PHB2: variants seen among roughly 807,000 people sequenced by gnomAD.
PHB2 encodes the protein prohibitin-2.
Under a neutral mutation model 46.4 loss-of-function variants are expected in PHB2, and 22 were observed. The ratio of observed to expected loss-of-function variants is 0.47; its 90% confidence interval spans 0.34 to 0.68. The LOEUF (loss-of-function observed/expected upper bound fraction) is 0.68, where lower values mean the gene tolerates loss of function less well. PHB2 is among the 30% of genes least tolerant of loss of function. The pLI is 0.01. For missense variants in PHB2, 305 were observed against 382.8 expected (o/e 0.80, Z 1.70); for synonymous variants, 156 against 150.5 (o/e 1.04, Z -0.27).
At chr12:6,968,064 G>C (rs782674765) in intron 4 of PHB2, 43 bp from the exon 5 acceptor site, 1 of 1,543,000 alleles carries the variant, frequency 6.5e-7, no homozygotes, top group Non-Finnish European at 8.8e-7. Context: ...GTGGTTTGAG[G>C]GGACTGGGGA....
In PHB2 at chr12:6,965,345, C is replaced by A; in HGVS notation, c.*340G>T. 2.7e-6 allele frequency: 1 copy of A among 377,318 alleles called. No homozygotes were observed. The highest frequency in any genetic ancestry group is 5.1e-6 in the Non-Finnish European group (1 of 197,686). The allele number at this position is 377,318 out of a possible 1,614,324, so 23.4% of individuals were successfully genotyped here. On this transcript the variant is annotated 3_prime_UTR_variant, in exon 10 of 10. Coordinates refer to ENST00000535923, the MANE Select transcript of PHB2 (RefSeq NM_001144831.2). ...TTACCCAGTTCATGAACACGTGAAG[C>A]CTTGACTTCAGGTTAAGTAATAAAA...
At chr12:6,970,106 G>C (rs1555151763) in intron 2 of PHB2, 90 bp downstream of exon 2, 4 of 968,540 alleles carry the variant, frequency 4.1e-6, no homozygotes, top group Non-Finnish European at 6.7e-6. Context: ...AAAGAGCAGC[G>C]TTGAATCCTG....
chr12:6,965,439 A>T lies in PHB2; in HGVS notation c.*246T>A, dbSNP rs1310039761. 3 of 574,358 alleles carry T rather than the reference A, an allele frequency of 5.2e-6. No homozygotes were observed. The South Asian group carries it at 6.0e-5, about 12-fold the overall frequency. 35.6% of individuals were successfully genotyped at this position (574,358 alleles called of 1,614,324 possible). A position where few individuals can be genotyped will look rare whatever the true frequency, so the allele number is the denominator to read the frequency against. On this transcript the variant is annotated 3_prime_UTR_variant, in exon 10 of 10. Coordinates refer to ENST00000535923, the MANE Select transcript of PHB2 (RefSeq NM_001144831.2). Reference sequence around the variant, plus strand: ...TTGAGGGAGGGAACAACACTGTAGGAAATCACTGAGAAATCACGCACTGTC... The same window carrying T: ...TTGAGGGAGGGAACAACACTGTAGGTAATCACTGAGAAATCACGCACTGTC...
chr12:6,966,034 A>C, intron 8 of PHB2, 118 bp from the exon 9 acceptor site: 1 of 1,060,742 alleles, frequency 9.4e-7, no homozygotes, highest in Non-Finnish European at 1.4e-6. Flanking sequence ...GAAAAGATAA[A>C]CAGGGTTGAC....
Position 6,967,470 on chromosome 12 carries a change from G to C in PHB2, c.711+206C>G. 2 of 1,038,088 alleles carry C rather than the reference G, an allele frequency of 1.9e-6. No individual in the cohort carries two copies. The highest frequency in any genetic ancestry group is 1.3e-5 in the South Asian group (1 of 79,004). 64.3% of individuals were successfully genotyped at this position (1,038,088 alleles called of 1,614,324 possible). On this transcript the variant is annotated intron_variant, in intron 6 of 9. Transcript: ENST00000535923. The surrounding 1 kb of genome is among the most constrained non-coding windows in gnomAD (Gnocchi z 4.9). Reference sequence around the variant, plus strand: ...TGAAGGCAAGGCCACCAATGCTATTGATCTGGCCTTACAGTGGGGAGTCAT... The same window carrying C: ...TGAAGGCAAGGCCACCAATGCTATTCATCTGGCCTTACAGTGGGGAGTCAT...
chr12:6,969,729 G>A (rs999983347), intron 2 of PHB2, among the ~76,000 whole-genome samples, 152 bp from the exon 3 acceptor site: 6 of 151,844 alleles, frequency 4.0e-5, no homozygotes, highest in African/African-American at 7.3e-5. Context: ...GTGAAACCCC[G>A]TCTCTACTAA....
rs1555151000 is a variant in PHB2, at chr12:6,967,435, G to A, written c.712-187C>T. The stretch of plus-strand genomic sequence containing the variant: ...AGGCTGCTGCCAGGAACTAGGGGCA[G>A]CACCAGAAATGAAGGCAAGGCCACC... On this transcript the variant is annotated intron_variant, in intron 6 of 9. Coordinates refer to ENST00000535923, the MANE Select transcript of PHB2 (RefSeq NM_001144831.2). This position sits in a 1 kb window ranked among gnomAD's most constrained non-coding sequence, Gnocchi z 4.9. The A allele has an allele frequency of 2.2e-6, 3 of 1,359,906 alleles. No homozygotes were observed. The highest frequency in any genetic ancestry group is 1.2e-5 in the South Asian group (1 of 85,538). The allele number at this position is 1,359,906 out of a possible 1,614,324, so 84.2% of individuals were successfully genotyped here.
At chr12:6,969,461 C>G in intron 3 of PHB2, 37 bp downstream of exon 3, 1 of 1,185,946 alleles carries the variant, frequency 8.4e-7, no homozygotes, top group Non-Finnish European at 1.2e-6. Flanking sequence ...CCTTGATCAT[C>G]CCACCTGCCA....
chr12:6,967,107 G>A lies in PHB2; in HGVS notation c.789+64C>T. On this transcript the variant is annotated intron_variant, in intron 7 of 9. Transcript: ENST00000535923. The surrounding 1 kb of genome is among the most constrained non-coding windows in gnomAD (Gnocchi z 4.9). The stretch of plus-strand genomic sequence containing the variant: ...AAGGTTCGAATTCCCTCACCTCAAT[G>A]TGCCTTAACTGAAAGCACTTTCTCA... 1 of 1,306,050 alleles carries A rather than the reference G, an allele frequency of 7.7e-7. No homozygotes were observed. The highest frequency in any genetic ancestry group is 1.1e-6 in the Non-Finnish European group (1 of 925,534). The allele number at this position is 1,306,050 out of a possible 1,614,324, so 80.9% of individuals were successfully genotyped here.
chr12:6,967,077 C>T lies in PHB2; in HGVS notation c.789+94G>A. The T allele has an allele frequency of 9.2e-7, 1 of 1,090,748 alleles. No homozygotes were observed. Among genetic ancestry groups the T allele is most frequent in the East Asian group, 2.7e-5 (1 of 37,536 alleles). The allele number at this position is 1,090,748 out of a possible 1,614,324, so 67.6% of individuals were successfully genotyped here. ...AAGCCAATCTGAGTAGAAACCGGAA[C>T]AAGCAAGGTTCGAATTCCCTCACCT... is the stretch of plus-strand genomic sequence containing the variant. On this transcript the variant is annotated intron_variant, in intron 7 of 9. Coordinates refer to ENST00000535923, the MANE Select transcript of PHB2 (RefSeq NM_001144831.2). This position sits in a 1 kb window ranked among gnomAD's most constrained non-coding sequence, Gnocchi z 4.9.
Position 6,967,157 on chromosome 12 carries a change from G to T in PHB2, c.789+14C>A. On this transcript the variant is annotated intron_variant, in intron 7 of 9. Transcript: ENST00000535923. This position sits in a 1 kb window ranked among gnomAD's most constrained non-coding sequence, Gnocchi z 4.9. ...AAGGCAGCCCCATCAGAGACGCTGG[G>T]CTGACACACTCACCGTCTTGGAGAT... 6.4e-7 allele frequency: 1 copy of T among 1,556,248 alleles called. No individual in the cohort carries two copies. The highest frequency in any genetic ancestry group is 8.7e-7 in the Non-Finnish European group (1 of 1,148,064).
rs1196828081 is a variant in PHB2 at position 6,965,933 on chromosome 12, C to A, written c.867-17G>T. 1.3e-6 allele frequency: 2 copies of A among 1,598,120 alleles called. No individual in the cohort carries two copies. The highest frequency in any genetic ancestry group is 4.5e-5 in the East Asian group (2 of 44,842). ...TACCTTCCCCTGTGGTGCCAGATCG[C>A]CAGATGAACAAGAAACAGAGAAGAG... is the stretch of plus-strand genomic sequence containing the variant. On this transcript the variant is annotated splice_polypyrimidine_tract_variant and intron_variant, in intron 8 of 9. Coordinates refer to ENST00000535923, the MANE Select transcript of PHB2 (RefSeq NM_001144831.2).
chr12:6,968,883 C>A (rs1281199369), intron 3 of PHB2, among the ~76,000 whole-genome samples: 2 of 152,196 alleles, frequency 1.3e-5, no homozygotes, highest in Non-Finnish European at 2.9e-5. Flanking sequence ...CGTGCTGTAC[C>A]GTAATCATGT....
intron 7 of PHB2, among the ~76,000 whole-genome samples, chr12:6,966,897 A>T (rs1341687593): frequency 6.6e-6 from 1 of 152,180 alleles, no homozygotes; most frequent in Non-Finnish European, 1.5e-5. Context: ...GCTAAACGCC[A>T]CCACAGCGGG....
chr12:6,969,318 C>A (rs782159522), intron 3 of PHB2, among the ~76,000 whole-genome samples, 180 bp downstream of exon 3: 7 of 152,212 alleles, frequency 4.6e-5, no homozygotes, highest in African/African-American at 1.7e-4. Context: ...GTAAAAAGCA[C>A]GCAAACACAG....
intron 1 of PHB2, 35 bp from the exon 2 acceptor site, chr12:6,970,315 C>T (rs1166591044): frequency 6.2e-7 from 1 of 1,609,128 alleles, no homozygotes; most frequent in East Asian, 2.2e-5. Context: ...GGCCAGGCCG[C>T]TGCTCAGAGG....
Position 6,967,671 on chromosome 12 carries a change from G to A in PHB2, c.711+5C>T. The A allele has an allele frequency of 6.2e-7, 1 of 1,608,052 alleles. No homozygotes were observed. The highest frequency in any genetic ancestry group is 8.5e-7 in the Non-Finnish European group (1 of 1,174,842). ...TGGGCTGAGATCTCTCCAGCAGAAGGATATCATCTTGGCAGCCTCGGCCTC... is the reference window on the plus strand; with the variant it reads ...TGGGCTGAGATCTCTCCAGCAGAAGAATATCATCTTGGCAGCCTCGGCCTC... On this transcript the variant is annotated splice_donor_5th_base_variant and intron_variant, in intron 6 of 9. Coordinates refer to ENST00000535923, the MANE Select transcript of PHB2 (RefSeq NM_001144831.2). This position sits in a 1 kb window ranked among gnomAD's most constrained non-coding sequence, Gnocchi z 4.9.
chr12:6,967,998 C>T lies in PHB2; in HGVS notation c.501G>A (p.Glu167=), dbSNP rs367716554. 12 of 1,608,370 alleles carry T rather than the reference C, an allele frequency of 7.5e-6. No individual in the cohort carries two copies. The African/African-American group carries it at 1.2e-4, about 16-fold the overall frequency. The change falls in exon 5 of 10, where the codon GAG becomes GAA. Residue 167 remains glutamate, a synonymous_variant. Coordinates refer to ENST00000535923, the MANE Select transcript of PHB2 (RefSeq NM_001144831.2). This position sits in a 1 kb window ranked among gnomAD's most constrained non-coding sequence, Gnocchi z 4.9. ...RAQVSLLIRR[E]LTERAKDFSL... ...TGAAGTCCTTGGCCCTCTCTGTCAG[C>T]TCCCGGCGGATCAACAGGGATACCT...
chr12:6,969,961 GT>G, intron 2 of PHB2: 1 of 694,716 alleles, frequency 1.4e-6, no homozygotes, highest in East Asian at 2.7e-5. Flanking sequence ...CTCACCACGC[GT>G]TTTTTGGCCT....
Sources: gnomAD v4.1 joint callset for allele counts (sites outside exome capture counted in the v4.1 genomes callset) on GRCh38, gnomAD v4.1.1 for gene constraint, Gnocchi (gnomAD v3.1) non-coding constraint, MANE v1.5 for transcripts, NCBI Gene and HGNC (gene_info 2026-07-23, HGNC 2026-07-21) for gene names.